The following PLA2G4A variants were observed in gnomAD, a reference collection of about 807,000 sequenced individuals.
PLA2G4A encodes the protein phospholipase A2 group IVA, also known as cytosolic phospholipase A2.
A neutral mutation model predicts 81.9 loss-of-function variants in PLA2G4A; 40 were observed. That is an observed-to-expected ratio of 0.49 (90% CI 0.38 to 0.64). The LOEUF is 0.64. Among genes scored for constraint, PLA2G4A ranks in the 30% least tolerant of loss-of-function variants. The pLI is 0.00. For synonymous variants in PLA2G4A, 302 were observed against 296.9 expected (o/e 1.02, Z -0.18); for missense variants, 715 against 905.1 (o/e 0.79, Z 2.69).
intron 17 of PLA2G4A, 88 bp downstream of exon 17, chr1:186,979,560 A>C (rs1009338232): frequency 2.2e-6 from 2 of 921,448 alleles, no homozygotes; most frequent in Non-Finnish European, 3.5e-6. Flanking sequence ...AAAAATAAAA[A>C]AATAAGTGTT....
chr1:186,895,402 A>G (rs1210743808), intron 5 of PLA2G4A, among the ~76,000 whole-genome samples: 1 of 152,192 alleles, frequency 6.6e-6, no homozygotes, highest in African/African-American at 2.4e-5. Flanking sequence ...CTTCTGTCTC[A>G]TGCCAAGAGA....
At chr1:186,884,795 G>A (rs1462851524) in intron 3 of PLA2G4A, among the ~76,000 whole-genome samples, 1 of 151,644 alleles carries the variant, frequency 6.6e-6, no homozygotes, top group African/African-American at 2.4e-5. Flanking sequence ...AAAGTGTGAG[G>A]ATCACCTGAA....
chr1:186,987,744 T>A (rs1388617123), intron 17 of PLA2G4A, among the ~76,000 whole-genome samples: 4 of 152,210 alleles, frequency 2.6e-5, no homozygotes, highest in East Asian at 3.9e-4. Flanking sequence ...GGTTGTAGTT[T>A]CCTGTGTTTT....
In PLA2G4A at chr1:186,879,020, T is replaced by G. The variant is rs567223502; in HGVS notation, c.115+8504T>G. On this transcript the variant is annotated intron_variant, in intron 3 of 17. Transcript: ENST00000367466. ...TACTATATGTTATTTTAGTATATCT[T>G]AATATTATAAAATCTTTCTTAAAAA... Among the ~76,000 whole-genome samples, 13 of 151,992 alleles carry G rather than the reference T, an allele frequency of 8.6e-5. No homozygotes were observed. The South Asian group carries it at 2.5e-3, about 29-fold the overall frequency.
Position 186,889,797 on chromosome 1 carries a change from C to G in PLA2G4A, c.116-3214C>G, listed in dbSNP as rs139288105. 3.3e-4 allele frequency among the ~76,000 whole-genome samples: 50 copies of G among 152,152 alleles called. No individual in the cohort carries two copies. The East Asian group carries it at 7.0e-3, about 21-fold the overall frequency. ...GACCTCTGTACTTCTTCTCTCCCCC[C>G]TCCCTCCCTCACTCTTGCACTCACC... is the stretch of plus-strand genomic sequence containing the variant. On this transcript the variant is annotated intron_variant, in intron 3 of 17. Transcript: ENST00000367466.
chr1:186,894,560 G>A (rs1048737717), intron 5 of PLA2G4A, among the ~76,000 whole-genome samples: 45 of 152,136 alleles, frequency 3.0e-4, no homozygotes, highest in African/African-American at 9.9e-4. Flanking sequence ...AGAGCTGGGG[G>A]CAGAGAGAGA....
chr1:186,977,470 A>C (rs753567067), intron 15 of PLA2G4A, 123 bp from the exon 16 acceptor site: 98 of 686,802 alleles, frequency 1.4e-4, no homozygotes, highest in Non-Finnish European at 2.3e-4. Context: ...GTCGTGATTC[A>C]TCCTAGCAAG....
intron 3 of PLA2G4A, among the ~76,000 whole-genome samples, chr1:186,889,529 C>T: frequency 6.6e-6 from 1 of 152,144 alleles, no homozygotes; most frequent in Non-Finnish European, 1.5e-5. Flanking sequence ...TGTAGATCCT[C>T]CCGTTTTATA....
At chr1:186,865,641 G>A (rs1653000519) in intron 2 of PLA2G4A, among the ~76,000 whole-genome samples, 1 of 152,120 alleles carries the variant, frequency 6.6e-6, no homozygotes, top group African/African-American at 2.4e-5. Flanking sequence ...AGGTTGAATA[G>A]AGAAAAACAA....
At chr1:186,878,919 G>C (rs1340051560) in intron 3 of PLA2G4A, among the ~76,000 whole-genome samples, 1 of 151,878 alleles carries the variant, frequency 6.6e-6, no homozygotes, top group East Asian at 1.9e-4. Context: ...CCAAGGACAA[G>C]TATGTTCTTA....
At chr1:186,875,713 C>G (rs753590199) in intron 3 of PLA2G4A, among the ~76,000 whole-genome samples, 1 of 152,040 alleles carries the variant, frequency 6.6e-6, no homozygotes, top group Non-Finnish European at 1.5e-5. Context: ...TGTGATCCAT[C>G]TAAGAACCCA....
At chr1:186,869,141 T>C (rs937531556) in intron 2 of PLA2G4A, among the ~76,000 whole-genome samples, 43 of 152,254 alleles carry the variant, frequency 2.8e-4, no homozygotes, top group South Asian at 4.1e-4. Context: ...TAGTTCTTTC[T>C]TCTTTTTTAA....
intron 3 of PLA2G4A, among the ~76,000 whole-genome samples, chr1:186,884,416 G>A (rs1653855443): frequency 6.6e-6 from 1 of 151,896 alleles, no homozygotes; most frequent in Non-Finnish European, 1.5e-5. Flanking sequence ...GTTTGGCCAA[G>A]TTAGGAACTA....
chr1:186,869,868 T>G (rs1386852386), intron 2 of PLA2G4A, among the ~76,000 whole-genome samples: 1 of 152,190 alleles, frequency 6.6e-6, no homozygotes, highest in East Asian at 1.9e-4. Context: ...TGTTAATGTT[T>G]TATTATGTTT....
At chr1:186,961,093 T>C (rs1462939401) in intron 14 of PLA2G4A, among the ~76,000 whole-genome samples, 5 of 152,196 alleles carry the variant, frequency 3.3e-5, no homozygotes, top group South Asian at 2.1e-4. Flanking sequence ...AGACAGACAC[T>C]ACATGATCTC....
At chr1:186,904,377 A>G (rs889145286) in intron 5 of PLA2G4A, among the ~76,000 whole-genome samples, 1 of 152,380 alleles carries the variant, frequency 6.6e-6, no homozygotes. Flanking sequence ...GAGATGCTTT[A>G]TGCCATGTGT....
rs2307200 is a variant in PLA2G4A at position 186,939,253 on chromosome 1, C to A, written c.918+23C>A. The stretch of plus-strand genomic sequence containing the variant: ...AATGTAAGTTACAGTTCAATCTACA[C>A]TGCTTTTATAACAAGTAGACAGAAC... On this transcript the variant is annotated intron_variant, in intron 9 of 17. Coordinates refer to ENST00000367466, the MANE Select transcript of PLA2G4A (RefSeq NM_024420.3). The A allele has an allele frequency of 4.0e-6, 4 of 1,011,108 alleles. No homozygotes were observed. The African/African-American group carries it at 4.8e-5, about 12-fold the overall frequency. The allele number at this position is 1,011,108 out of a possible 1,614,324, so 62.6% of individuals were successfully genotyped here.
In PLA2G4A at chr1:186,880,181, C is replaced by A. The variant is rs56229346; in HGVS notation, c.115+9665C>A. Among the ~76,000 whole-genome samples the A allele has an allele frequency of 8.1e-3, 1,228 of 152,028 alleles. 7 individuals are homozygous for A. The highest frequency in any genetic ancestry group is 0.014 in the Admixed American group (206 of 15,210). On this transcript the variant is annotated intron_variant, in intron 3 of 17. Coordinates refer to ENST00000367466, the MANE Select transcript of PLA2G4A (RefSeq NM_024420.3). The stretch of plus-strand genomic sequence containing the variant: ...GGAAGATGAAATGGGCTTAAATAAC[C>A]CTTTGGAAAAATGCTGCCAATAAGA...
chr1:186,973,173 C>T (rs748061304), intron 15 of PLA2G4A, among the ~76,000 whole-genome samples: 22 of 152,276 alleles, frequency 1.4e-4, no homozygotes, highest in South Asian at 2.1e-4. Flanking sequence ...CTCACAGTTT[C>T]GGAGGGCAGA....
Sources: gnomAD v4.1 joint callset for allele counts (sites outside exome capture counted in the v4.1 genomes callset) on GRCh38, gnomAD v4.1.1 for gene constraint, MANE v1.5 for transcripts, NCBI Gene and HGNC (gene_info 2026-07-23, HGNC 2026-07-21) for gene names.